Variants in CPED1 observed in about 807,000 individuals in gnomAD.
CPED1 encodes cadherin like and PC-esterase domain containing 1, also known as cadherin-like and PC-esterase domain-containing protein 1.
CPED1 carries 114 observed loss-of-function variants against 128.2 expected under a neutral mutation model. The observed-to-expected ratio is 0.89, with a 90% confidence interval of 0.76 to 1.04. CPED1 has a LOEUF of 1.04. Ranked by LOEUF, CPED1 falls within the 50% of genes least tolerant of loss-of-function variation. The pLI is 0.00. For missense variants in CPED1, 1,211 were observed against 1,207.1 expected, an observed-to-expected ratio of 1.00 and a Z score of -0.05; for synonymous variants, 462 against 426.7, an observed-to-expected ratio of 1.08 and a Z score of -1.02.
chr7:121,167,766 C>G (rs1796566154), intron 16 of CPED1, among the ~76,000 whole-genome samples: 1 of 132,062 alleles, frequency 7.6e-6, no homozygotes. Context: ...GAGTCTCGCT[C>G]TGTTGCCCAG....
At chr7:121,009,003 G>A (rs1178230653) in intron 2 of CPED1, among the ~76,000 whole-genome samples, 6 of 152,140 alleles carry the variant, frequency 3.9e-5, no homozygotes, top group Admixed American at 3.3e-4. Flanking sequence ...CAGGCACGTT[G>A]CTGAGATCTC....
intron 2 of CPED1, among the ~76,000 whole-genome samples, chr7:121,015,374 C>CA (rs1362706046): frequency 6.6e-6 from 1 of 152,194 alleles, no homozygotes; most frequent in Admixed American, 6.5e-5. Flanking sequence ...TTTGTATTTT[C>CA]AGCTAGAGTT....
chr7:121,057,296 T>G (rs959293893), intron 4 of CPED1, among the ~76,000 whole-genome samples: 1 of 152,132 alleles, frequency 6.6e-6, no homozygotes, highest in African/African-American at 2.4e-5. Context: ...TTATAATAAT[T>G]TCAACTTTTA....
chr7:121,275,774 T>TTAA (rs1453248545), intron 22 of CPED1, among the ~76,000 whole-genome samples: 18 of 152,154 alleles, frequency 1.2e-4, no homozygotes, highest in Non-Finnish European at 2.1e-4. Context: ...TTTTCCACTA[T>TTAA]TAATTAATTT....
At chr7:121,289,373 GA>G (rs756318349) in intron 22 of CPED1, among the ~76,000 whole-genome samples, 1 of 151,984 alleles carries the variant, frequency 6.6e-6, no homozygotes, top group Non-Finnish European at 1.5e-5. Context: ...TTATATTAAA[GA>G]AAAAAATCAA....
At chr7:121,059,609 C>G (rs1016404398) in intron 4 of CPED1, among the ~76,000 whole-genome samples, 1 of 129,788 alleles carries the variant, frequency 7.7e-6, no homozygotes, top group Non-Finnish European at 1.7e-5. Flanking sequence ...CAGGTGTTCA[C>G]GCTTCCTAAT....
chr7:121,102,911 A>C (rs1461928966), intron 7 of CPED1, among the ~76,000 whole-genome samples: 1 of 152,004 alleles, frequency 6.6e-6, no homozygotes, highest in Non-Finnish European at 1.5e-5. Flanking sequence ...TTTGTTATCA[A>C]ATTCTTGCTT....
chr7:120,998,116 G>A (rs1438164378), intron 2 of CPED1, among the ~76,000 whole-genome samples: 1 of 152,026 alleles, frequency 6.6e-6, no homozygotes, highest in South Asian at 2.1e-4. Context: ...CCGGAAACTC[G>A]ACAGTCAAGG....
chr7:121,052,493 T>C (rs1419311644), intron 4 of CPED1, among the ~76,000 whole-genome samples: 2 of 152,096 alleles, frequency 1.3e-5, no homozygotes, highest in African/African-American at 2.4e-5. Context: ...TCACCATCTT[T>C]TCCTGAAATA....
chr7:121,222,430 G>A (rs1797902414), intron 16 of CPED1, among the ~76,000 whole-genome samples: 1 of 152,136 alleles, frequency 6.6e-6, no homozygotes, highest in African/African-American at 2.4e-5. Flanking sequence ...GATTGTCATG[G>A]CATTGTGGGC....
intron 18 of CPED1, among the ~76,000 whole-genome samples, chr7:121,256,624 C>G (rs1218932355): frequency 6.6e-6 from 1 of 152,024 alleles, no homozygotes; most frequent in Non-Finnish European, 1.5e-5. Context: ...AGTTCAGCCA[C>G]TGTGGAAAGC....
chr7:121,103,643 C>T (rs1362350114), intron 7 of CPED1, among the ~76,000 whole-genome samples: 1 of 152,074 alleles, frequency 6.6e-6, no homozygotes, highest in Non-Finnish European at 1.5e-5. Context: ...TTATTAAACA[C>T]TGTCCTTAAA....
intron 16 of CPED1, among the ~76,000 whole-genome samples, chr7:121,232,594 A>G (rs1798163259): frequency 6.6e-6 from 1 of 152,106 alleles, no homozygotes; most frequent in Admixed American, 6.6e-5. Context: ...CTCCCCAGGA[A>G]TGTCAGTTCT....
rs950480361 is a variant in CPED1 at position 121,100,959 on chromosome 7, C to T, written c.918+865C>T. On this transcript the variant is annotated intron_variant, in intron 7 of 22. Coordinates refer to ENST00000310396, the MANE Select transcript of CPED1 (RefSeq NM_024913.5). ...TTATTTAGTATGCTTTCTTTTTCTCCTCTTAAACTTTGCTTTTTCACTGAA... is the reference window on the plus strand; with the variant it reads ...TTATTTAGTATGCTTTCTTTTTCTCTTCTTAAACTTTGCTTTTTCACTGAA... Among the ~76,000 whole-genome samples, 3 of 151,988 alleles carry T rather than the reference C, an allele frequency of 2.0e-5. No individual in the cohort carries two copies. In the East Asian group the frequency reaches 5.8e-4, roughly 29 times the overall value.
In CPED1 at chr7:121,232,192, G is replaced by C. The variant is rs147426058; in HGVS notation, c.2056-4522G>C. 7.0e-3 allele frequency among the ~76,000 whole-genome samples: 1,073 copies of C among 152,258 alleles called. 14 individuals are homozygous for C. Among genetic ancestry groups the C allele is most frequent in the African/African-American group, 0.024 (1,000 of 41,558 alleles). On this transcript the variant is annotated intron_variant, in intron 16 of 22. Coordinates refer to ENST00000310396, the MANE Select transcript of CPED1 (RefSeq NM_024913.5). ...AGGGCAAGTTGTCTTTTCCCACAAA[G>C]TCGCAGGGCAAGTTTTTTTTCCATT...
chr7:121,092,135 T>G (rs867283277), intron 5 of CPED1, among the ~76,000 whole-genome samples: 2 of 152,210 alleles, frequency 1.3e-5, no homozygotes, highest in Non-Finnish European at 2.9e-5. Context: ...CTTAGATAGT[T>G]AATCTATGAG....
intron 7 of CPED1, among the ~76,000 whole-genome samples, chr7:121,110,711 C>T (rs940783442): frequency 2.6e-5 from 4 of 152,118 alleles, no homozygotes; most frequent in South Asian, 2.1e-4. Flanking sequence ...AATTTTTTCC[C>T]TATGGGCAAA....
At chr7:121,060,240 C>T (rs1406482758) in intron 4 of CPED1, among the ~76,000 whole-genome samples, 1 of 152,232 alleles carries the variant, frequency 6.6e-6, no homozygotes, top group East Asian at 1.9e-4. Flanking sequence ...GGCTCCTGTG[C>T]GGCCGGAGCC....
chr7:121,163,755 C>T (rs1796463395), intron 16 of CPED1, among the ~76,000 whole-genome samples: 1 of 152,138 alleles, frequency 6.6e-6, no homozygotes, highest in African/African-American at 2.4e-5. Context: ...TCCTGAATTC[C>T]TATATTTTAT....
Sources: allele counts gnomAD v4.1 joint callset (sites outside exome capture counted in the v4.1 genomes callset), GRCh38; gene constraint gnomAD v4.1.1; transcripts MANE v1.5; gene names NCBI Gene and HGNC (gene_info 2026-07-23, HGNC 2026-07-21).